SLC36A1: variants seen among roughly 807,000 people sequenced by gnomAD.
SLC36A1 encodes the protein solute carrier family 36 member 1.
A neutral mutation model predicts 47.5 loss-of-function variants in SLC36A1; 30 were observed. The observed-to-expected ratio is 0.63, with a 90% CI of 0.47 to 0.86. SLC36A1 has a LOEUF of 0.86. Among genes scored for constraint, SLC36A1 ranks in the 40% least tolerant of loss-of-function variants. The pLI, the probability that SLC36A1 is intolerant of heterozygous loss-of-function variation, is 0.00. For missense variants in SLC36A1, 517 were observed against 606.0 expected, an observed-to-expected ratio of 0.85 and a Z score of 1.54; for synonymous variants, 255 against 249.7, an observed-to-expected ratio of 1.02 and a Z score of -0.20.
chr5:151,540,901 C>A, the SLC36A1 span: 1 of 670,964 alleles, frequency 1.5e-6, no homozygotes, highest in Non-Finnish European at 2.4e-6. Flanking sequence ...TAGGAACCCA[C>A]GATTCTACAC....
At position 151,462,832 on chromosome 5, in the gene SLC36A1, C is replaced by T. The variant is rs73272005; in HGVS notation, c.144-721C>T. 2.9e-3 allele frequency among the ~76,000 whole-genome samples: 435 copies of T among 151,058 alleles called. 1 individual carries two copies. The highest frequency in any genetic ancestry group is 0.01 in the African/African-American group (422 of 41,258). On this transcript the variant is annotated intron_variant, in intron 2 of 10. Coordinates refer to ENST00000243389, the MANE Select transcript of SLC36A1 (RefSeq NM_078483.4). ...CTCTGTTCTCTTACCAGTGTTTGTC[C>T]GTCATTGTTTGGTTTGTCATCCTCT...
intron 1 of SLC36A1, among the ~76,000 whole-genome samples, chr5:151,437,818 G>C (rs1203542436): frequency 6.6e-6 from 1 of 152,068 alleles, no homozygotes; most frequent in Non-Finnish European, 1.5e-5. Context: ...TATAGTTCTA[G>C]AAGTCAGAGG....
chr5:151,469,272 G>A, intron 7 of SLC36A1: 1 of 700,324 alleles, frequency 1.4e-6, no homozygotes. Context: ...TACAGCCCAT[G>A]TAAGTATATT....
intron 10 of SLC36A1, among the ~76,000 whole-genome samples, chr5:151,480,794 G>A (rs1331865712): frequency 3.9e-5 from 6 of 152,190 alleles, no homozygotes; most frequent in Admixed American, 3.9e-4. Flanking sequence ...CACGTGTATG[G>A]TATTTATAAT....
At chr5:151,436,574 T>C (rs1290236127), upstream of SLC36A1, among the ~76,000 whole-genome samples, 1 of 151,894 alleles carries the variant, frequency 6.6e-6, no homozygotes, top group Non-Finnish European at 1.5e-5. Context: ...AACCCACAGA[T>C]TCTCAAGCTG....
At chr5:151,415,392 T>A in the SLC36A1 span, among the ~76,000 whole-genome samples, 1 of 152,102 alleles carries the variant, frequency 6.6e-6, no homozygotes, top group Admixed American at 6.5e-5. Flanking sequence ...CTTCTCCTCC[T>A]TGCTCTGCCA....
chr5:151,444,781 A>G (rs1752826555), upstream of SLC36A1, among the ~76,000 whole-genome samples: 1 of 152,240 alleles, frequency 6.6e-6, no homozygotes, highest in African/African-American at 2.4e-5. Context: ...CACTGAGCCC[A>G]GTCATGTATG....
At position 151,488,680 on chromosome 5, in the gene SLC36A1, C is replaced by G. The variant is rs113903000; in HGVS notation, c.*426C>G. The G allele has an allele frequency of 1.8e-3, 316 of 172,288 alleles. 2 individuals are homozygous for G. The highest frequency in any genetic ancestry group is 2.9e-3 in the Middle Eastern group (1 of 348). 10.7% of individuals were successfully genotyped at this position (172,288 alleles called of 1,614,324 possible). On this transcript the variant is annotated 3_prime_UTR_variant, in exon 11 of 11. Coordinates refer to ENST00000243389, the MANE Select transcript of SLC36A1 (RefSeq NM_078483.4). The stretch of plus-strand genomic sequence containing the variant: ...TAGATTAAGTAACTGGGAACGCCCC[C>G]TCTTTATAAAGCTGGGCTTCTTTCT...
intron 9 of SLC36A1, chr5:151,477,023 A>C: frequency 1.7e-6 from 1 of 578,256 alleles, no homozygotes; most frequent in Non-Finnish European, 3.2e-6. Context: ...AGAAGGACCG[A>C]GTATCTAGTC....
the SLC36A1 span, among the ~76,000 whole-genome samples, chr5:151,519,651 C>A: frequency 0.15 from 22,198 of 152,162 alleles, 2,084 homozygotes; most frequent in Non-Finnish European, 0.2. Flanking sequence ...TTTCCTTGAT[C>A]TGGGCGTTGG....
In SLC36A1 at chr5:151,452,869, C is replaced by CAAAAAA. The variant is rs543863050; in HGVS notation, c.-6+5064_-6+5069dup. Among the ~76,000 whole-genome samples the CAAAAAA allele has an allele frequency of 2.2e-3, 238 of 107,156 alleles. 2 individuals are homozygous for CAAAAAA. The highest frequency in any genetic ancestry group is 7.4e-3 in the African/African-American group (225 of 30,226). The allele number at this position is 107,156 out of a possible 152,430, so 70.3% of individuals were successfully genotyped here. The stretch of plus-strand genomic sequence containing the variant: ...TGGGCAACAGAGGGAGACACCATCT[C>CAAAAAA]AAAAAAAAAAAAAGAAGACAAAAAG... On this transcript the variant is annotated intron_variant, in intron 1 of 10. Coordinates refer to ENST00000243389, the MANE Select transcript of SLC36A1 (RefSeq NM_078483.4).
the SLC36A1 span, among the ~76,000 whole-genome samples, chr5:151,401,308 C>T: frequency 1.3e-5 from 2 of 152,106 alleles, no homozygotes; most frequent in African/African-American, 4.8e-5. Flanking sequence ...TTAATTTTGT[C>T]AACTTTGTCA....
the SLC36A1 span, among the ~76,000 whole-genome samples, chr5:151,517,089 CAG>C: frequency 7.1e-6 from 1 of 140,922 alleles, no homozygotes; most frequent in Non-Finnish European, 1.5e-5. Flanking sequence ...GCCTCGGTGA[CAG>C]AGAGAGACTC....
chr5:151,536,033 T>C, the SLC36A1 span, among the ~76,000 whole-genome samples: 1 of 152,294 alleles, frequency 6.6e-6, no homozygotes, highest in African/African-American at 2.4e-5. Flanking sequence ...TTACAAATAG[T>C]ATTCTACTTT....
At chr5:151,517,471 T>C in the SLC36A1 span, 3 of 958,240 alleles carry the variant, frequency 3.1e-6, no homozygotes, top group Non-Finnish European at 4.7e-6. Flanking sequence ...AGGATAATCA[T>C]GTGGCCCAAC....
chr5:151,353,478 C>A, the SLC36A1 span, among the ~76,000 whole-genome samples: 5 of 152,058 alleles, frequency 3.3e-5, no homozygotes, highest in Admixed American at 1.3e-4. Flanking sequence ...TCCCATATAC[C>A]CCCAGCCCCA....
the SLC36A1 span, chr5:151,538,059 G>C: frequency 1.2e-6 from 1 of 843,840 alleles, no homozygotes; most frequent in Non-Finnish European, 1.8e-6. Flanking sequence ...CACTAAGAGG[G>C]CAGAGACGAA....
At chr5:151,426,542 A>G in the SLC36A1 span, among the ~76,000 whole-genome samples, 1 of 152,160 alleles carries the variant, frequency 6.6e-6, no homozygotes, top group African/African-American at 2.4e-5. Flanking sequence ...TATTGCCACC[A>G]GCATGTCTCA....
At chr5:151,495,962 A>G (rs1760326466), downstream of SLC36A1, among the ~76,000 whole-genome samples, 1 of 152,218 alleles carries the variant, frequency 6.6e-6, no homozygotes, top group Non-Finnish European at 1.5e-5. Context: ...CAAATAAAGT[A>G]CTATAAATAT....
Sources: gnomAD v4.1 joint callset for allele counts (sites outside exome capture counted in the v4.1 genomes callset) on GRCh38, gnomAD v4.1.1 for gene constraint, MANE v1.5 for transcripts, NCBI Gene and HGNC (gene_info 2026-07-23, HGNC 2026-07-21) for gene names.